Variants in PACSIN2 observed in about 807,000 individuals in gnomAD.
The protein encoded by PACSIN2 is protein kinase C and casein kinase substrate in neurons protein 2.
A neutral mutation model predicts 63.8 loss-of-function variants in PACSIN2; 25 were observed. The ratio of observed to expected loss-of-function variants is 0.39; its 90% CI spans 0.29 to 0.55. PACSIN2 has a LOEUF of 0.55. Among genes scored for constraint, PACSIN2 ranks in the 20% least tolerant of loss-of-function variants. The probability of loss-of-function intolerance (pLI) is 0.62; values close to 1 mark genes in which losing one functional copy is unlikely to be tolerated. For synonymous variants in PACSIN2, 255 were observed against 256.2 expected, an observed-to-expected ratio of 1.00 and a Z score of 0.05; for missense variants, 518 against 646.9, an observed-to-expected ratio of 0.80 and a Z score of 2.16.
chr22:43,002,059 A>G (rs1056498890), intron 1 of PACSIN2, among the ~76,000 whole-genome samples: 3 of 152,216 alleles, frequency 2.0e-5, no homozygotes, highest in African/African-American at 7.2e-5. Context: ...ACCAGAACAG[A>G]AAAACAAACA....
chr22:42,929,715 A>T (rs1316786319), intron 1 of PACSIN2, among the ~76,000 whole-genome samples: 7 of 152,224 alleles, frequency 4.6e-5, no homozygotes, highest in Admixed American at 1.3e-4. Context: ...ACAAGGCAGG[A>T]GAGTGACCCG....
chr22:42,901,865 C>T (rs2146696367), intron 2 of PACSIN2, among the ~76,000 whole-genome samples: 1 of 152,312 alleles, frequency 6.6e-6, no homozygotes, highest in Admixed American at 6.5e-5. Context: ...CCTGCAGGGG[C>T]ACCACCAGGG....
intron 1 of PACSIN2, among the ~76,000 whole-genome samples, chr22:42,999,142 G>A (rs1327699648): frequency 6.6e-6 from 1 of 152,188 alleles, no homozygotes; most frequent in Non-Finnish European, 1.5e-5. Context: ...TCAGACAGGA[G>A]GGCTAAAAGA....
At chr22:42,989,418 A>G (rs1250905190) in intron 1 of PACSIN2, among the ~76,000 whole-genome samples, 1 of 151,194 alleles carries the variant, frequency 6.6e-6, no homozygotes, top group Non-Finnish European at 1.5e-5. Flanking sequence ...GAATCGCTTG[A>G]ACCTGGGAGG....
chr22:42,977,116 A>T (rs1439719573), intron 1 of PACSIN2, among the ~76,000 whole-genome samples: 4 of 152,242 alleles, frequency 2.6e-5, no homozygotes, highest in Non-Finnish European at 4.4e-5. Context: ...CATTCATATG[A>T]GACTGATCTG....
chr22:42,963,828 A>C (rs1920932448), intron 1 of PACSIN2, among the ~76,000 whole-genome samples: 1 of 129,546 alleles, frequency 7.7e-6, no homozygotes, highest in Non-Finnish European at 1.6e-5. Context: ...GTCATTTGGA[A>C]ACAATAAAAT....
chr22:42,940,117 C>T (rs1933086334), intron 1 of PACSIN2, among the ~76,000 whole-genome samples: 1 of 152,230 alleles, frequency 6.6e-6, no homozygotes, highest in South Asian at 2.1e-4. Flanking sequence ...ACAATGCTTG[C>T]TATCAGCTCC....
intron 1 of PACSIN2, among the ~76,000 whole-genome samples, chr22:42,976,105 T>C (rs1294113780): frequency 6.6e-6 from 1 of 152,182 alleles, no homozygotes; most frequent in Non-Finnish European, 1.5e-5. Flanking sequence ...ATTTTGCATG[T>C]AGGAGAGGAA....
intron 1 of PACSIN2, among the ~76,000 whole-genome samples, chr22:42,944,752 T>C (rs1424842436): frequency 6.6e-6 from 1 of 152,120 alleles, no homozygotes; most frequent in Non-Finnish European, 1.5e-5. Context: ...AAATTGGGTA[T>C]AAGCAAAAAA....
intron 1 of PACSIN2, among the ~76,000 whole-genome samples, chr22:42,989,502 CAAA>C (rs11340150): frequency 7.2e-6 from 1 of 139,472 alleles, no homozygotes; most frequent in Admixed American, 7.1e-5. Context: ...CCATCCCCCT[CAAA>C]AAAAAAAAAG....
At chr22:42,959,438 A>C (rs556209133) in intron 1 of PACSIN2, 1 of 152,382 alleles carries the variant, frequency 6.6e-6, no homozygotes, top group East Asian at 1.9e-4. Flanking sequence ...TGCCAAAGCA[A>C]AGGTGCAAAG....
chr22:42,982,947 T>C (rs1385164843), intron 1 of PACSIN2, among the ~76,000 whole-genome samples: 2 of 147,666 alleles, frequency 1.4e-5, no homozygotes, highest in Middle Eastern at 3.5e-3. Context: ...TTGGGAGACT[T>C]AGGCAGGCAG....
In PACSIN2 at chr22:42,884,398, G is replaced by T. The variant is rs200427054; in HGVS notation, c.773C>A (p.Ser258Tyr). The T allele has an allele frequency of 3.2e-3, 5,191 of 1,612,804 alleles. 14 individuals carry two copies. The highest frequency in any genetic ancestry group is 4.0e-3 in the Non-Finnish European group (4,752 of 1,179,620). The change falls in exon 6 of 11, where the codon TCC (serine) becomes TAC (tyrosine). Residue 258 changes from serine to tyrosine, a missense_variant. This residue lies in a region of PACSIN2 where 507 missense variants were observed against 612.3 expected (regional missense o/e 0.83). Transcript: ENST00000263246. ...AAAGGAAACTTACCCAGCCACATTGGACAGGTCTAGGTGCTTCTGAACCTC... is the reference window on the plus strand; with the variant it reads ...AAAGGAAACTTACCCAGCCACATTGTACAGGTCTAGGTGCTTCTGAACCTC... ...LLEVQKHLDL[S>Y]NVAGYKAIYH...
At chr22:42,887,967 T>C (rs1232761332) in intron 5 of PACSIN2, among the ~76,000 whole-genome samples, 2 of 151,992 alleles carry the variant, frequency 1.3e-5, no homozygotes, top group Admixed American at 6.5e-5. Flanking sequence ...CCTGTCACTG[T>C]GGAGACTGCA....
At chr22:43,012,076 C>A (rs1321605130) in intron 1 of PACSIN2, among the ~76,000 whole-genome samples, 4 of 151,624 alleles carry the variant, frequency 2.6e-5, no homozygotes, top group Non-Finnish European at 4.4e-5. Context: ...ACCTGGGAGG[C>A]AGAGGTTACA....
chr22:42,937,113 TG>T (rs1268758240), intron 1 of PACSIN2, among the ~76,000 whole-genome samples: 4 of 152,162 alleles, frequency 2.6e-5, no homozygotes, highest in African/African-American at 9.7e-5. Flanking sequence ...CCTGCCCTCA[TG>T]GGTCTGTGTT....
At chr22:42,976,631 G>A (rs762323144) in intron 1 of PACSIN2, among the ~76,000 whole-genome samples, 8 of 152,216 alleles carry the variant, frequency 5.3e-5, no homozygotes, top group Non-Finnish European at 1.0e-4. Flanking sequence ...TGTATTACAT[G>A]CCTTTTAAAT....
chr22:42,970,684 A>T (rs1470753545), intron 1 of PACSIN2, among the ~76,000 whole-genome samples: 1 of 152,244 alleles, frequency 6.6e-6, no homozygotes, highest in Non-Finnish European at 1.5e-5. Flanking sequence ...TCTTTTTAAA[A>T]TTTAGCCAAG....
intron 7 of PACSIN2, among the ~76,000 whole-genome samples, chr22:42,881,534 CA>C (rs935828310): frequency 6.6e-6 from 1 of 152,198 alleles, no homozygotes; most frequent in Admixed American, 6.5e-5. Context: ...GCTTAAGCCT[CA>C]GGGGCACCAG....
Sources: allele counts gnomAD v4.1 joint callset (sites outside exome capture counted in the v4.1 genomes callset), GRCh38; gene constraint gnomAD v4.1.1; regional missense constraint gnomAD v4.1.1; transcripts MANE v1.5; gene names NCBI Gene and HGNC (gene_info 2026-07-23, HGNC 2026-07-21).